Variants in CNBD1 observed in about 807,000 individuals in gnomAD.
CNBD1 encodes cyclic nucleotide binding domain containing 1.
CNBD1 carries 71 observed loss-of-function variants against 54.4 expected under a neutral mutation model. The ratio of observed to expected loss-of-function variants is 1.30; its 90% CI spans 1.08 to 1.59. The LOEUF (loss-of-function observed/expected upper bound fraction) is 1.59, where lower values mean the gene tolerates loss of function less well. Among genes scored for constraint, CNBD1 ranks in the 40% most tolerant of loss-of-function variants. CNBD1 has a pLI of 0.00. For missense variants in CNBD1, 659 were observed against 518.0 expected (o/e 1.27, Z -2.64); for synonymous variants, 182 against 170.7 (o/e 1.07, Z -0.51).
chr8:86,955,459 A>G (rs985738667), intron 4 of CNBD1, among the ~76,000 whole-genome samples: 2 of 152,182 alleles, frequency 1.3e-5, no homozygotes, highest in African/African-American at 4.8e-5. Flanking sequence ...ACAGTGTAAA[A>G]GTGTTCCTAT....
rs189460075 is a variant in CNBD1, at chr8:87,344,775, A to C, written c.1043-6910A>C. ...ATGCGTTGCATGGTACCATCCATGT[A>C]CTTCCTTTGACCAGTTCAATTAATA... is the stretch of plus-strand genomic sequence containing the variant. On this transcript the variant is annotated intron_variant, in intron 8 of 10. Coordinates refer to ENST00000518476, the MANE Select transcript of CNBD1 (RefSeq NM_173538.3). Among the ~76,000 whole-genome samples, 150 of 152,250 alleles carry C rather than the reference A, an allele frequency of 9.9e-4. 3 individuals carry two copies. The highest frequency in any genetic ancestry group is 6.8e-3 in the Admixed American group (104 of 15,284).
intron 10 of CNBD1, among the ~76,000 whole-genome samples, chr8:87,371,154 G>T (rs890216300): frequency 2.0e-5 from 3 of 151,922 alleles, no homozygotes; most frequent in Admixed American, 6.6e-5. Flanking sequence ...TTTGAAGTCA[G>T]GTAGTGTGAT....
intron 4 of CNBD1, among the ~76,000 whole-genome samples, chr8:87,012,025 T>C (rs1212118466): frequency 2.6e-5 from 4 of 152,160 alleles, no homozygotes; most frequent in Non-Finnish European, 5.9e-5. Context: ...ATAAATAAAA[T>C]GATGAAGGTG....
intron 4 of CNBD1, among the ~76,000 whole-genome samples, chr8:87,147,538 G>T (rs1445646218): frequency 6.6e-6 from 1 of 151,844 alleles, no homozygotes; most frequent in South Asian, 2.1e-4. Flanking sequence ...GACTACATTT[G>T]TAAATGTCTT....
intron 2 of CNBD1, among the ~76,000 whole-genome samples, chr8:87,416,363 G>T (rs766290941): frequency 2.5e-4 from 38 of 152,030 alleles, no homozygotes; most frequent in Non-Finnish European, 4.3e-4. Flanking sequence ...ACCAAGGCTT[G>T]CAGGAATCTG....
chr8:87,066,216 A>C (rs1248405690), intron 4 of CNBD1, among the ~76,000 whole-genome samples: 1 of 152,008 alleles, frequency 6.6e-6, no homozygotes, highest in African/African-American at 2.4e-5. Context: ...GGTTTATGTG[A>C]GACAACTAGT....
intron 2 of CNBD1, among the ~76,000 whole-genome samples, chr8:86,890,915 T>C (rs1434890033): frequency 2.6e-5 from 4 of 152,010 alleles, no homozygotes; most frequent in African/African-American, 4.8e-5. Flanking sequence ...AAGTAGGTGT[T>C]CAAAAACTCT....
At chr8:87,247,874 C>T (rs1021561804) in intron 6 of CNBD1, among the ~76,000 whole-genome samples, 1 of 152,150 alleles carries the variant, frequency 6.6e-6, no homozygotes, top group African/African-American at 2.4e-5. Flanking sequence ...GGTGAAATGG[C>T]ATTTTTCAGC....
intron 4 of CNBD1, among the ~76,000 whole-genome samples, chr8:87,190,470 C>T (rs1813577998): frequency 6.6e-6 from 1 of 152,112 alleles, no homozygotes; most frequent in Non-Finnish European, 1.5e-5. Context: ...TCTCTGTGTG[C>T]CTTATTCCAT....
intron 3 of CNBD1, among the ~76,000 whole-genome samples, chr8:86,907,634 C>T (rs543744850): frequency 6.6e-6 from 1 of 151,614 alleles, no homozygotes; most frequent in African/African-American, 2.4e-5. Flanking sequence ...CGCCACTGCA[C>T]TCCAGCCTGG....
downstream of CNBD1, among the ~76,000 whole-genome samples, chr8:87,385,054 T>C (rs531517861): frequency 6.6e-6 from 1 of 152,302 alleles, no homozygotes; most frequent in African/African-American, 2.4e-5. Context: ...GGGTTCTATA[T>C]GCAAAATAGA....
At chr8:87,422,934 T>C (rs893508040) in intron 2 of CNBD1, among the ~76,000 whole-genome samples, 6 of 152,004 alleles carry the variant, frequency 3.9e-5, no homozygotes, top group African/African-American at 1.5e-4. Flanking sequence ...TTTGTTTGTA[T>C]CCTCTTTTAT....
intron 2 of CNBD1, among the ~76,000 whole-genome samples, chr8:87,417,056 C>T (rs1003555625): frequency 2.0e-5 from 3 of 151,760 alleles, no homozygotes; most frequent in Non-Finnish European, 4.4e-5. Context: ...AGAACAAAAC[C>T]CACTGTATTA....
intron 9 of CNBD1, 97 bp downstream of exon 9, chr8:87,351,891 T>C: frequency 8.4e-7 from 1 of 1,191,968 alleles, no homozygotes; most frequent in South Asian, 2.6e-5. Flanking sequence ...TTATTTGTAT[T>C]ACTTTGTGAA....
intron 8 of CNBD1, among the ~76,000 whole-genome samples, chr8:87,324,271 G>C (rs1300439537): frequency 8.1e-6 from 1 of 122,930 alleles, no homozygotes. Context: ...TCTCTTTTTT[G>C]GTTGTGTCTC....
intron 5 of CNBD1, among the ~76,000 whole-genome samples, chr8:87,226,991 G>A (rs1186882571): frequency 1.3e-5 from 2 of 151,332 alleles, no homozygotes; most frequent in Non-Finnish European, 2.9e-5. Context: ...TTACCATTAT[G>A]TAATGGCCTT....
At chr8:87,347,863 C>G (rs1460082065) in intron 8 of CNBD1, among the ~76,000 whole-genome samples, 1 of 152,064 alleles carries the variant, frequency 6.6e-6, no homozygotes, top group African/African-American at 2.4e-5. Context: ...TTCACCTTCC[C>G]TATTTTGCAG....
chr8:87,119,927 A>G (rs1173504308), intron 4 of CNBD1, among the ~76,000 whole-genome samples: 1 of 152,076 alleles, frequency 6.6e-6, no homozygotes, highest in Admixed American at 6.6e-5. Flanking sequence ...TGGCATAAAT[A>G]CCACCTGATT....
At chr8:86,963,188 A>G (rs1001190946) in intron 4 of CNBD1, among the ~76,000 whole-genome samples, 3 of 152,086 alleles carry the variant, frequency 2.0e-5, no homozygotes, top group African/African-American at 7.2e-5. Flanking sequence ...TGCAAGTGCA[A>G]CCTTCACCCA....
Sources: allele counts gnomAD v4.1 joint callset (sites outside exome capture counted in the v4.1 genomes callset), GRCh38; gene constraint gnomAD v4.1.1; transcripts MANE v1.5; gene names NCBI Gene and HGNC (gene_info 2026-07-23, HGNC 2026-07-21).